The following ENOX1 variants were observed in gnomAD, a reference collection of about 807,000 sequenced individuals.
ENOX1 encodes the protein candidate growth-related and time keeping constitutive hydroquinone (NADH) oxidase.
In ENOX1, 42 loss-of-function variants were observed where a neutral mutation model predicts 82.5. The observed-to-expected ratio is 0.51, with a 90% CI of 0.40 to 0.66. The LOEUF is 0.66. Among genes scored for constraint, ENOX1 ranks in the 30% least tolerant of loss-of-function variants. The probability of loss-of-function intolerance (pLI) is 0.00; values close to 1 mark genes in which losing one functional copy is unlikely to be tolerated. For synonymous variants in ENOX1, 271 were observed against 282.2 expected (o/e 0.96, Z 0.40); for missense variants, 608 against 811.6 (o/e 0.75, Z 3.05).
intron 2 of ENOX1, among the ~76,000 whole-genome samples, chr13:43,527,554 T>C (rs1001883291): frequency 1.3e-5 from 2 of 152,164 alleles, no homozygotes; most frequent in African/African-American, 4.8e-5. Flanking sequence ...ATACAGTTTA[T>C]AGAGTTCATT....
chr13:43,460,812 AAAAAAAAAAAAAAAAAAAT>A lies in ENOX1; in HGVS notation c.-75+23178_-75+23196del, dbSNP rs1221564343. Among the ~76,000 whole-genome samples the A allele has an allele frequency of 1.7e-3, 220 of 132,582 alleles. 16 individuals are homozygous for A. The highest frequency in any genetic ancestry group is 3.6e-3 in the Middle Eastern group (1 of 280). The allele number at this position is 132,582 out of a possible 152,430, so 87.0% of individuals were successfully genotyped here. On this transcript the variant is annotated intron_variant, in intron 3 of 16. Transcript: ENST00000690772. Reference sequence around the variant, plus strand: ...CCATCTCAAAAAAAAAAAAAAAAAAAAAAAAAAAAAAAAAAAAATAGGGATAGCTCTCTACAAACCAAGG... The same window carrying A: ...CCATCTCAAAAAAAAAAAAAAAAAAAAGGGATAGCTCTCTACAAACCAAGG...
chr13:43,443,167 T>G (rs1231660784), intron 3 of ENOX1, among the ~76,000 whole-genome samples: 1 of 152,172 alleles, frequency 6.6e-6, no homozygotes, highest in Non-Finnish European at 1.5e-5. Flanking sequence ...TTTACAGACA[T>G]TAGATTTACA....
chr13:43,440,605 T>A (rs1015815647), intron 3 of ENOX1, among the ~76,000 whole-genome samples: 1 of 152,206 alleles, frequency 6.6e-6, no homozygotes, highest in Non-Finnish European at 1.5e-5. Context: ...TATCATCTCA[T>A]GTAGTTTCCA....
intron 2 of ENOX1, among the ~76,000 whole-genome samples, chr13:43,609,458 A>T (rs906929039): frequency 3.9e-5 from 6 of 152,158 alleles, no homozygotes; most frequent in African/African-American, 1.4e-4. Flanking sequence ...TCTGGATGTG[A>T]GTTATGTGAC....
chr13:43,233,649 T>G (rs1231610493), intron 15 of ENOX1, among the ~76,000 whole-genome samples: 1 of 150,006 alleles, frequency 6.7e-6, no homozygotes, highest in South Asian at 2.1e-4. Flanking sequence ...CTCACTCCCT[T>G]TCTCTTCCAG....
At chr13:43,729,098 C>G (rs893155923) in intron 1 of ENOX1, among the ~76,000 whole-genome samples, 2 of 152,160 alleles carry the variant, frequency 1.3e-5, no homozygotes, top group Non-Finnish European at 2.9e-5. Flanking sequence ...AAAAAGTTAT[C>G]TGCTTTGCCT....
At chr13:43,663,702 A>G (rs1036397849) in intron 2 of ENOX1, among the ~76,000 whole-genome samples, 3 of 152,124 alleles carry the variant, frequency 2.0e-5, no homozygotes, top group African/African-American at 7.3e-5. Context: ...CGAATGAACA[A>G]ACAAAACAGA....
intron 1 of ENOX1, among the ~76,000 whole-genome samples, chr13:43,716,613 A>T (rs1488163546): frequency 6.6e-6 from 1 of 152,204 alleles, no homozygotes; most frequent in African/African-American, 2.4e-5. Context: ...CTGACAATAT[A>T]ATTCTACACA....
chr13:43,570,056 A>G (rs1363498144), intron 2 of ENOX1, among the ~76,000 whole-genome samples: 1 of 152,222 alleles, frequency 6.6e-6, no homozygotes, highest in Non-Finnish European at 1.5e-5. Flanking sequence ...AGCATAGTTT[A>G]GGACACATTC....
intron 2 of ENOX1, among the ~76,000 whole-genome samples, chr13:43,504,865 T>G (rs190840104): frequency 6.6e-6 from 1 of 151,770 alleles, no homozygotes; most frequent in Admixed American, 6.6e-5. Flanking sequence ...TTAATATGTT[T>G]ATGGCATAGA....
intron 12 of ENOX1, among the ~76,000 whole-genome samples, chr13:43,286,941 G>A (rs1411576979): frequency 6.6e-6 from 1 of 152,126 alleles, no homozygotes; most frequent in African/African-American, 2.4e-5. Flanking sequence ...GGAACTTCTT[G>A]TCTTCTGCTG....
At chr13:43,359,406 G>A (rs1239464877) in intron 7 of ENOX1, among the ~76,000 whole-genome samples, 1 of 152,196 alleles carries the variant, frequency 6.6e-6, no homozygotes, top group Non-Finnish European at 1.5e-5. Flanking sequence ...ATGATACTGG[G>A]CCTTCTCCTA....
rs1046190449 is a variant in ENOX1 at position 43,716,132 on chromosome 13, G to A, written c.-284-48588C>T. Among the ~76,000 whole-genome samples, 9 of 152,192 alleles carry A rather than the reference G, an allele frequency of 5.9e-5. No individual in the cohort carries two copies. In the East Asian group the frequency reaches 1.2e-3, roughly 20 times the overall value. ...TGCGTTCCTTTGAAGGAGGAGAGGC[G>A]CTCTGCTTTTTAGAGTTTCCAGTTT... is the stretch of plus-strand genomic sequence containing the variant. On this transcript the variant is annotated intron_variant, in intron 1 of 16. Transcript: ENST00000690772.
intron 14 of ENOX1, among the ~76,000 whole-genome samples, chr13:43,261,079 AGAT>A (rs1457258760): frequency 6.6e-6 from 1 of 152,188 alleles, no homozygotes; most frequent in African/African-American, 2.4e-5. Flanking sequence ...ATGCATTCGC[AGAT>A]GATCTTGTGA....
At chr13:43,381,333 A>G (rs1281128902) in intron 5 of ENOX1, among the ~76,000 whole-genome samples, 1 of 151,782 alleles carries the variant, frequency 6.6e-6, no homozygotes, top group Non-Finnish European at 1.5e-5. Context: ...ACCAAAAGGG[A>G]AATTTAGAAG....
At chr13:43,382,930 C>T (rs1375824092) in intron 5 of ENOX1, among the ~76,000 whole-genome samples, 1 of 152,064 alleles carries the variant, frequency 6.6e-6, no homozygotes, top group South Asian at 2.1e-4. Flanking sequence ...GGTTGTCCTC[C>T]CTGGCAGCAA....
At chr13:43,580,530 C>T (rs975327984) in intron 2 of ENOX1, among the ~76,000 whole-genome samples, 3 of 152,210 alleles carry the variant, frequency 2.0e-5, no homozygotes, top group Non-Finnish European at 2.9e-5. Context: ...CTTCTTTCTA[C>T]AGCAGTGAAA....
At chr13:43,533,693 T>C (rs1420811222) in intron 2 of ENOX1, among the ~76,000 whole-genome samples, 1 of 152,186 alleles carries the variant, frequency 6.6e-6, no homozygotes, top group Non-Finnish European at 1.5e-5. Context: ...AGCATACAAA[T>C]TCTATAAAAT....
intron 1 of ENOX1, among the ~76,000 whole-genome samples, chr13:43,727,335 T>C (rs2089047533): frequency 6.6e-6 from 1 of 152,226 alleles, no homozygotes. Context: ...GCTGAAGTTC[T>C]GCTTTGCAAG....
Sources: gnomAD v4.1 joint callset for allele counts (sites outside exome capture counted in the v4.1 genomes callset) on GRCh38, gnomAD v4.1.1 for gene constraint, MANE v1.5 for transcripts, NCBI Gene and HGNC (gene_info 2026-07-23, HGNC 2026-07-21) for gene names.